Variants in IGF1R observed in about 807,000 individuals in gnomAD.
IGF1R encodes insulin like growth factor 1 receptor, also known as insulin-like growth factor 1 receptor.
A neutral mutation model predicts 144.6 loss-of-function variants in IGF1R; 44 were observed. The observed-to-expected ratio is 0.30, with a 90% CI of 0.24 to 0.39. The LOEUF (loss-of-function observed/expected upper bound fraction) is 0.39, where lower values mean the gene tolerates loss of function less well. Ranked by LOEUF, IGF1R falls within the 10% of genes least tolerant of loss-of-function variation. The probability of loss-of-function intolerance (pLI) is 1.00; values close to 1 mark genes in which losing one functional copy is unlikely to be tolerated. For missense variants in IGF1R, 1,355 were observed against 1,833.7 expected, an observed-to-expected ratio of 0.74 and a Z score of 4.77; for synonymous variants, 795 against 722.8, an observed-to-expected ratio of 1.10 and a Z score of -1.60.
intron 1 of IGF1R, among the ~76,000 whole-genome samples, chr15:98,687,742 G>A (rs1266812708): frequency 6.6e-6 from 1 of 152,224 alleles, no homozygotes; most frequent in Non-Finnish European, 1.5e-5. Context: ...AGCATCCCCA[G>A]GTTGTCATTG....
chr15:98,720,165 C>T (rs2054214109), intron 2 of IGF1R, among the ~76,000 whole-genome samples: 1 of 152,170 alleles, frequency 6.6e-6, no homozygotes, highest in South Asian at 2.1e-4. Flanking sequence ...TAAATGCAAA[C>T]TCATCAGTGC....
chr15:98,955,835 G>A (rs889462383), intron 20 of IGF1R, among the ~76,000 whole-genome samples: 1 of 152,262 alleles, frequency 6.6e-6, no homozygotes, highest in Non-Finnish European at 1.5e-5. Flanking sequence ...CACTGGGTGT[G>A]CTTTGAGTTT....
chr15:98,857,711 G>C lies in IGF1R; in HGVS notation c.641-33614G>C, dbSNP rs56245462. ...TAGTGCTACGGAGGAACTGGATTTT[G>C]GATTTTTTTAAAGTTTTAATTTAAA... On this transcript the variant is annotated intron_variant, in intron 2 of 20. Coordinates refer to ENST00000650285, the MANE Select transcript of IGF1R (RefSeq NM_000875.5). 9.3e-3 allele frequency among the ~76,000 whole-genome samples: 1,411 copies of C among 152,222 alleles called. 16 individuals are homozygous for C. Among genetic ancestry groups the C allele is most frequent in the African/African-American group, 0.031 (1,285 of 41,528 alleles).
chr15:98,924,386 C>G (rs2015619552), intron 12 of IGF1R, 139 bp from the exon 13 acceptor site: 1 of 854,476 alleles, frequency 1.2e-6, no homozygotes, highest in Non-Finnish European at 2.0e-6. Context: ...ATTTCTTTGT[C>G]TTTACTGACA....
rs766567481 is a variant in IGF1R at position 98,792,173 on chromosome 15, C to G, written c.640+84066C>G. On this transcript the variant is annotated intron_variant, in intron 2 of 20. Transcript: ENST00000650285. Reference sequence around the variant, plus strand: ...GGTTTGTTAGGTATGCCTGACAGCTCTCTTATCAACTCCCATTTATTTGCT... The same window carrying G: ...GGTTTGTTAGGTATGCCTGACAGCTGTCTTATCAACTCCCATTTATTTGCT... Among the ~76,000 whole-genome samples, 6 of 152,330 alleles carry G rather than the reference C, an allele frequency of 3.9e-5. 1 individual carries two copies. The highest frequency in any genetic ancestry group is 6.5e-5 in the Admixed American group (1 of 15,310).
At chr15:98,807,406 G>C (rs2056494049) in intron 2 of IGF1R, among the ~76,000 whole-genome samples, 1 of 152,212 alleles carries the variant, frequency 6.6e-6, no homozygotes, top group Non-Finnish European at 1.5e-5. Flanking sequence ...AACTTTCCTT[G>C]TTGTGCAACA....
intron 2 of IGF1R, among the ~76,000 whole-genome samples, chr15:98,850,820 T>C (rs1290900696): frequency 6.6e-6 from 1 of 151,624 alleles, no homozygotes; most frequent in Admixed American, 6.6e-5. Flanking sequence ...CAGAAGCAGG[T>C]GTGAGTGTTG....
intron 2 of IGF1R, among the ~76,000 whole-genome samples, chr15:98,863,970 A>G (rs951565542): frequency 1.3e-5 from 2 of 152,216 alleles, no homozygotes; most frequent in African/African-American, 4.8e-5. Context: ...CTTTTAGAAT[A>G]AACGTGGCTG....
chr15:98,837,214 C>A (rs897888353), intron 2 of IGF1R, among the ~76,000 whole-genome samples: 3 of 152,074 alleles, frequency 2.0e-5, no homozygotes, highest in African/African-American at 7.2e-5. Context: ...TGTGCACCAT[C>A]ACTAATTAGT....
chr15:98,663,571 G>A (rs1297031462), intron 1 of IGF1R, among the ~76,000 whole-genome samples: 1 of 152,230 alleles, frequency 6.6e-6, no homozygotes, highest in African/African-American at 2.4e-5. Flanking sequence ...TAAAAATGAA[G>A]GTGAAACTGT....
chr15:98,911,362 C>G lies in IGF1R; in HGVS notation c.1510C>G (p.Arg504Gly). Reference protein sequence around the residue: ...HFTSTTTSKNRIIITWHRYRP... With the variant: ...HFTSTTTSKNGIIITWHRYRP... ...CACCTCCACCACCACGTCGAAGAATCGCATCATCATAACCTGGCACCGGTA... is the reference window on the plus strand; with the variant it reads ...CACCTCCACCACCACGTCGAAGAATGGCATCATCATAACCTGGCACCGGTA... The change falls in exon 7 of 21, where the codon CGC (arginine) becomes GGC (glycine). Residue 504 changes from arginine (R) to glycine (G), a missense_variant. Coordinates refer to ENST00000650285, the MANE Select transcript of IGF1R (RefSeq NM_000875.5). 1 of 1,614,132 alleles carries G rather than the reference C, an allele frequency of 6.2e-7. No homozygotes were observed. The highest frequency in any genetic ancestry group is 8.5e-7 in the Non-Finnish European group (1 of 1,180,012).
intron 2 of IGF1R, among the ~76,000 whole-genome samples, chr15:98,721,501 G>C (rs2054245772): frequency 6.6e-6 from 1 of 152,190 alleles, no homozygotes; most frequent in African/African-American, 2.4e-5. Context: ...AGTTCTCTTG[G>C]GGGAGGAGGA....
chr15:98,798,819 G>A (rs1455259961), intron 2 of IGF1R, among the ~76,000 whole-genome samples: 3 of 152,064 alleles, frequency 2.0e-5, no homozygotes, highest in East Asian at 1.9e-4. Context: ...TTATATGGGG[G>A]GTGAGATGGC....
At chr15:98,745,529 A>T (rs765533337) in intron 2 of IGF1R, among the ~76,000 whole-genome samples, 1 of 152,258 alleles carries the variant, frequency 6.6e-6, no homozygotes, top group Non-Finnish European at 1.5e-5. Flanking sequence ...GGACATCAGA[A>T]CTGGCCTGAA....
intron 15 of IGF1R, among the ~76,000 whole-genome samples, chr15:98,932,485 T>C (rs1393219363): frequency 6.6e-6 from 1 of 152,156 alleles, no homozygotes; most frequent in Non-Finnish European, 1.5e-5. Context: ...GTCGGAGCCG[T>C]TGGGTTGAAT....
chr15:98,838,779 G>T (rs2011128696), intron 2 of IGF1R, among the ~76,000 whole-genome samples: 1 of 152,238 alleles, frequency 6.6e-6, no homozygotes, highest in African/African-American at 2.4e-5. Flanking sequence ...GAGCATGAGG[G>T]AAGTAAGCAG....
chr15:98,911,845 A>G (rs1370290508), intron 7 of IGF1R, among the ~76,000 whole-genome samples: 1 of 152,214 alleles, frequency 6.6e-6, no homozygotes, highest in Admixed American at 6.5e-5. Flanking sequence ...CCCTGCAGGC[A>G]CGTGGCTCTT....
intron 2 of IGF1R, among the ~76,000 whole-genome samples, chr15:98,776,094 G>T (rs1329945166): frequency 6.6e-6 from 1 of 151,954 alleles, no homozygotes; most frequent in African/African-American, 2.4e-5. Flanking sequence ...TCTCTTTTGT[G>T]GTGATTTTCC....
At chr15:98,733,688 G>A (rs907196173) in intron 2 of IGF1R, among the ~76,000 whole-genome samples, 4 of 152,062 alleles carry the variant, frequency 2.6e-5, no homozygotes, top group African/African-American at 9.7e-5. Context: ...ATGAGAAGTG[G>A]TAGACCTCCC....
Sources: gnomAD v4.1 joint callset for allele counts (sites outside exome capture counted in the v4.1 genomes callset) on GRCh38, gnomAD v4.1.1 for gene constraint, MANE v1.5 for transcripts, NCBI Gene and HGNC (gene_info 2026-07-23, HGNC 2026-07-21) for gene names.